The following ACSM3 variants were observed in gnomAD, a reference collection of about 807,000 sequenced individuals.
ACSM3 encodes the protein acyl-coenzyme A synthetase ACSM3, mitochondrial.
ACSM3 carries 61 observed loss-of-function variants against 74.1 expected under a neutral mutation model. That is an observed-to-expected ratio of 0.82 (90% CI 0.67 to 1.02). The LOEUF (loss-of-function observed/expected upper bound fraction) is 1.02, where lower values mean the gene tolerates loss of function less well. Among genes scored for constraint, ACSM3 ranks in the 50% least tolerant of loss-of-function variants. The pLI is 0.00. For synonymous variants in ACSM3, 213 were observed against 241.5 expected (o/e 0.88, Z 1.09); for missense variants, 660 against 697.0 (o/e 0.95, Z 0.60).
At chr16:20,750,638 C>T (rs1429600936) in intron 2 of ACSM3, among the ~76,000 whole-genome samples, 1 of 152,144 alleles carries the variant, frequency 6.6e-6, no homozygotes, top group Non-Finnish European at 1.5e-5. Flanking sequence ...AGACTTAAGC[C>T]TCTGAGCTTT....
At chr16:20,711,714 G>C in intron 1 of ACSM3, 1 of 452,418 alleles carries the variant, frequency 2.2e-6, no homozygotes. Flanking sequence ...TACGCTGCCA[G>C]CAACAACACA....
intron 1 of ACSM3, among the ~76,000 whole-genome samples, chr16:20,722,503 A>G (rs907024788): frequency 6.6e-6 from 1 of 152,232 alleles, no homozygotes; most frequent in Non-Finnish European, 1.5e-5. Flanking sequence ...ATCTTATGGA[A>G]GAATAATGAG....
intron 1 of ACSM3, chr16:20,734,663 T>C (rs1267237306): frequency 1.3e-5 from 2 of 152,170 alleles, no homozygotes; most frequent in African/African-American, 4.8e-5. Context: ...ATCTGGACAG[T>C]TAATTTTGCA....
intron 12 of ACSM3, among the ~76,000 whole-genome samples, chr16:20,793,470 AAAAAAT>A (rs56924318): frequency 2.0e-5 from 3 of 151,544 alleles, no homozygotes; most frequent in South Asian, 4.2e-4. Flanking sequence ...CTCCGCCTCA[AAAAAAT>A]AAAAATAAAA....
chr16:20,780,277 C>T, intron 4 of ACSM3: 1 of 233,892 alleles, frequency 4.3e-6, no homozygotes, highest in Middle Eastern at 1.7e-3. Flanking sequence ...CCCATCAGTA[C>T]CCATGGCTTT....
At chr16:20,697,652 C>G (rs559429333) in intron 1 of ACSM3, 1 of 151,688 alleles carries the variant, frequency 6.6e-6, no homozygotes, top group Non-Finnish European at 1.5e-5. Context: ...CTGTTTAGGA[C>G]GTAGCTGAAC....
intron 8 of ACSM3, among the ~76,000 whole-genome samples, chr16:20,785,573 A>T (rs2080453450): frequency 6.6e-6 from 1 of 152,110 alleles, no homozygotes; most frequent in Non-Finnish European, 1.5e-5. Context: ...GAAATGAATG[A>T]AATAAGAACA....
At chr16:20,718,015 AAGAAGAAGAAGAAAAG>A (rs2079771261) in intron 1 of ACSM3, among the ~76,000 whole-genome samples, 1 of 148,926 alleles carries the variant, frequency 6.7e-6, no homozygotes, top group African/African-American at 2.5e-5. Flanking sequence ...GAAGAAGAAG[AAGAAGAAGAAGAAAAG>A]AAAGAAGAAG....
intron 4 of ACSM3, chr16:20,780,272 C>T (rs2080324386): frequency 1.8e-5 from 4 of 228,504 alleles, no homozygotes; most frequent in Non-Finnish European, 3.5e-5. Context: ...GTTGGCCCAT[C>T]AGTACCCATG....
At chr16:20,681,273 A>G (rs183227076) in intron 1 of ACSM3, 13 of 152,364 alleles carry the variant, frequency 8.5e-5, no homozygotes, top group Non-Finnish European at 1.9e-4. Context: ...TTGGCATTAG[A>G]TTATCACTTA....
chr16:20,766,704 G>A (rs1414176415), intron 1 of ACSM3: 2 of 152,096 alleles, frequency 1.3e-5, no homozygotes, highest in African/African-American at 4.8e-5. Flanking sequence ...CAGTCTGGGT[G>A]ACAGAGTGAG....
intron 1 of ACSM3, among the ~76,000 whole-genome samples, chr16:20,725,700 C>T (rs2079802449): frequency 1.3e-5 from 2 of 152,186 alleles, no homozygotes; most frequent in Admixed American, 1.3e-4. Flanking sequence ...AGGCTGGGCA[C>T]AGTGGCTCAC....
intron 1 of ACSM3, among the ~76,000 whole-genome samples, chr16:20,723,138 G>T (rs1041481289): frequency 1.3e-5 from 2 of 152,090 alleles, no homozygotes; most frequent in African/African-American, 4.8e-5. Flanking sequence ...GCGGTGTTTG[G>T]TTTTTTGTCC....
rs1292608835 is a variant in ACSM3 at position 20,790,032 on chromosome 16, T to C, written c.1225-555T>C. ...TCAAAGGATATTACCAAAATGTGAT[T>C]ATTGCTGGATGGTAAAATTTTTAAA... On this transcript the variant is annotated intron_variant, in intron 9 of 13. Transcript: ENST00000289416. This position sits in a 1 kb window ranked among gnomAD's most constrained non-coding sequence, Gnocchi z 4.0. Among the ~76,000 whole-genome samples the C allele has an allele frequency of 6.6e-6, 1 of 152,224 alleles. No homozygotes were observed. Among genetic ancestry groups the C allele is most frequent in the African/African-American group, 2.4e-5 (1 of 41,462 alleles).
Position 20,780,721 on chromosome 16 carries a change from A to C in ACSM3, c.646A>C (p.Ser216Arg), listed in dbSNP as rs138743502. 53 of 1,614,114 alleles carry C rather than the reference A, an allele frequency of 3.3e-5. No homozygotes were observed. In the African/African-American group the frequency reaches 3.5e-4, roughly 11 times the overall value. ...GTAGTTTTTCCTTTGCAGACATGCC[A>C]GTGACAGCCACACCTGTGTGAAGAC... ...GNLKELMKHA[S>R]DSHTCVKTKH... The change falls in exon 5 of 14, where the codon AGT (serine) becomes CGT (arginine). Residue 216 changes from serine to arginine, a missense_variant. By Grantham distance (110) the Ser-to-Arg change is moderately radical. Transcript: ENST00000289416.
intron 2 of ACSM3, 35 bp downstream of exon 2, chr16:20,770,288 C>A: frequency 6.4e-7 from 1 of 1,559,844 alleles, no homozygotes; most frequent in South Asian, 1.1e-5. Context: ...CACAATTTCT[C>A]AACTGGGAGT....
intron 1 of ACSM3, among the ~76,000 whole-genome samples, chr16:20,707,567 A>C (rs1418969578): frequency 2.0e-5 from 3 of 152,218 alleles, no homozygotes; most frequent in Non-Finnish European, 4.4e-5. Context: ...CCCTGGGCCC[A>C]GACAGGATCC....
chr16:20,683,913 T>C (rs1596950580), intron 1 of ACSM3, among the ~76,000 whole-genome samples: 1 of 152,158 alleles, frequency 6.6e-6, no homozygotes, highest in African/African-American at 2.4e-5. Flanking sequence ...ACAGATGACA[T>C]GGCTTTTCAT....
intron 7 of ACSM3, among the ~76,000 whole-genome samples, chr16:20,782,172 TGAA>T (rs1188277947): frequency 6.6e-6 from 1 of 152,220 alleles, no homozygotes; most frequent in African/African-American, 2.4e-5. Context: ...TGATTCCATT[TGAA>T]AGGGTTCATT....
Sources: gnomAD v4.1 joint callset for allele counts (sites outside exome capture counted in the v4.1 genomes callset) on GRCh38, gnomAD v4.1.1 for gene constraint, Gnocchi (gnomAD v3.1) non-coding constraint, MANE v1.5 for transcripts, NCBI Gene and HGNC (gene_info 2026-07-23, HGNC 2026-07-21) for gene names.